Variants in COL8A1 observed in about 807,000 individuals in gnomAD.
COL8A1 encodes the protein collagen alpha-1(VIII) chain.
In COL8A1, 21 loss-of-function variants were observed where a neutral mutation model predicts 42.7. The ratio of observed to expected loss-of-function variants is 0.49; its 90% CI spans 0.35 to 0.71. The LOEUF is 0.71. COL8A1 is among the 30% of genes least tolerant of loss of function. The pLI is 0.01. For missense variants in COL8A1, 788 were observed against 962.4 expected, an observed-to-expected ratio of 0.82 and a Z score of 2.40; for synonymous variants, 367 against 369.1, an observed-to-expected ratio of 0.99 and a Z score of 0.06.
chr3:99,743,879 A>G (rs1170994457), intron 1 of COL8A1, among the ~76,000 whole-genome samples: 3 of 152,302 alleles, frequency 2.0e-5, no homozygotes, highest in Non-Finnish European at 4.4e-5. Context: ...TATCTAAATG[A>G]CTGAAGTTGT....
At chr3:99,784,784 A>C (rs1312750083) in intron 2 of COL8A1, among the ~76,000 whole-genome samples, 1 of 152,202 alleles carries the variant, frequency 6.6e-6, no homozygotes, top group Non-Finnish European at 1.5e-5. Flanking sequence ...GCACCTCATG[A>C]CTACATAGTA....
At chr3:99,648,721 T>C (rs1234042873) in intron 1 of COL8A1, among the ~76,000 whole-genome samples, 1 of 152,186 alleles carries the variant, frequency 6.6e-6, no homozygotes, top group Non-Finnish European at 1.5e-5. Context: ...CATGATTCTA[T>C]GAGAAACACT....
intron 1 of COL8A1, among the ~76,000 whole-genome samples, chr3:99,670,585 TACCC>T (rs1236933567): frequency 1.3e-5 from 2 of 152,124 alleles, no homozygotes; most frequent in East Asian, 3.8e-4. Context: ...ATAATTAACA[TACCC>T]ATCACTTCAT....
chr3:99,648,123 T>C (rs1937709985), intron 1 of COL8A1, among the ~76,000 whole-genome samples: 1 of 152,168 alleles, frequency 6.6e-6, no homozygotes, highest in Non-Finnish European at 1.5e-5. Flanking sequence ...ATATTCCCCA[T>C]GTCAACCCTA....
intron 1 of COL8A1, among the ~76,000 whole-genome samples, chr3:99,681,466 AG>A (rs1437443096): frequency 2.0e-5 from 3 of 152,214 alleles, no homozygotes; most frequent in Non-Finnish European, 4.4e-5. Context: ...GATTGGAGGG[AG>A]GAATTAAAAA....
At chr3:99,720,498 C>A (rs1940119530) in intron 1 of COL8A1, among the ~76,000 whole-genome samples, 1 of 151,834 alleles carries the variant, frequency 6.6e-6, no homozygotes, top group South Asian at 2.1e-4. Flanking sequence ...AGAATTCTGC[C>A]AATCTGAATT....
intron 1 of COL8A1, chr3:99,685,449 G>T (rs1324767102): frequency 2.6e-5 from 4 of 152,110 alleles, no homozygotes; most frequent in African/African-American, 9.7e-5. Context: ...CATGATCTTA[G>T]AAATTTGCCA....
intron 2 of COL8A1, among the ~76,000 whole-genome samples, chr3:99,762,020 G>A (rs1941375039): frequency 6.6e-6 from 1 of 152,114 alleles, no homozygotes; most frequent in Non-Finnish European, 1.5e-5. Context: ...CTGACCTCGA[G>A]GGATTTTTCT....
At chr3:99,743,738 T>G (rs976312143) in intron 1 of COL8A1, among the ~76,000 whole-genome samples, 1 of 152,154 alleles carries the variant, frequency 6.6e-6, no homozygotes, top group Non-Finnish European at 1.5e-5. Context: ...ATGGAAAATT[T>G]TCATAATTAC....
chr3:99,720,906 G>C (rs1940131331), intron 1 of COL8A1, among the ~76,000 whole-genome samples: 1 of 152,108 alleles, frequency 6.6e-6, no homozygotes, highest in South Asian at 2.1e-4. Context: ...AAGTGAATGG[G>C]AGGAAAGACC....
chr3:99,682,583 A>G (rs1190432695), intron 1 of COL8A1, among the ~76,000 whole-genome samples: 1 of 151,470 alleles, frequency 6.6e-6, no homozygotes, highest in African/African-American at 2.4e-5. Context: ...TCTGACTTTT[A>G]TGTTCAGAAT....
At chr3:99,676,920 T>A (rs1431265218) in intron 1 of COL8A1, among the ~76,000 whole-genome samples, 3 of 151,916 alleles carry the variant, frequency 2.0e-5, no homozygotes, top group East Asian at 3.9e-4. Context: ...CAGTAGCAAT[T>A]AAAACATCAA....
At chr3:99,690,995 T>C (rs1939203993) in intron 1 of COL8A1, among the ~76,000 whole-genome samples, 1 of 152,182 alleles carries the variant, frequency 6.6e-6, no homozygotes, top group Non-Finnish European at 1.5e-5. Context: ...TACACATGAA[T>C]TTTTTTCAAC....
chr3:99,786,424 G>T (rs1003158760), intron 2 of COL8A1, among the ~76,000 whole-genome samples: 9 of 152,126 alleles, frequency 5.9e-5, no homozygotes, highest in South Asian at 4.1e-4. Context: ...CTTTTATCAT[G>T]TAAGGATACA....
intron 3 of COL8A1, among the ~76,000 whole-genome samples, chr3:99,792,626 G>A (rs922572140): frequency 6.6e-6 from 1 of 152,286 alleles, no homozygotes; most frequent in Non-Finnish European, 1.5e-5. Flanking sequence ...AGATAGGCAA[G>A]CAGAGATGCT....
intron 1 of COL8A1, among the ~76,000 whole-genome samples, chr3:99,670,497 A>T (rs1379132453): frequency 6.6e-6 from 1 of 152,098 alleles, no homozygotes; most frequent in African/African-American, 2.4e-5. Context: ...TTTGATTGAT[A>T]AATCATAATT....
chr3:99,676,347 C>A (rs779630734), intron 1 of COL8A1, among the ~76,000 whole-genome samples: 1 of 151,994 alleles, frequency 6.6e-6, no homozygotes, highest in Non-Finnish European at 1.5e-5. Flanking sequence ...GATCCCAAAA[C>A]CTGGCAAGAA....
chr3:99,794,218 TCTTCC>T lies in COL8A1; in HGVS notation c.329-10_329-6del. 1 of 1,531,224 alleles carries T rather than the reference TCTTCC, an allele frequency of 6.5e-7. No homozygotes were observed. The highest frequency in any genetic ancestry group is 8.8e-7 in the Non-Finnish European group (1 of 1,137,262). The allele number at this position is 1,531,224 out of a possible 1,614,324, so 94.9% of individuals were successfully genotyped here. ...CCCCCCATACCCCTTCTCTCTCTTC[TCTTCC>T]CAGTAGAAATACCATTAGCCAGTTT... On this transcript the variant is annotated splice_polypyrimidine_tract_variant and splice_region_variant and intron_variant, in intron 3 of 3. Coordinates refer to ENST00000652472, the MANE Select transcript of COL8A1 (RefSeq NM_020351.4). This position sits in a 1 kb window ranked among gnomAD's most constrained non-coding sequence, Gnocchi z 4.3.
chr3:99,762,124 T>G (rs922928420), intron 2 of COL8A1, among the ~76,000 whole-genome samples: 3 of 152,204 alleles, frequency 2.0e-5, no homozygotes, highest in Non-Finnish European at 4.4e-5. Flanking sequence ...AATATCATTT[T>G]TGAGATAAGG....
Sources: allele counts gnomAD v4.1 joint callset (sites outside exome capture counted in the v4.1 genomes callset), GRCh38; gene constraint gnomAD v4.1.1; non-coding constraint Gnocchi (gnomAD v3.1); transcripts MANE v1.5; gene names NCBI Gene and HGNC (gene_info 2026-07-23, HGNC 2026-07-21).